The following SVIL variants were observed in gnomAD, a reference collection of about 807,000 sequenced individuals.
SVIL encodes archvillin.
Under a neutral mutation model 240.4 loss-of-function variants are expected in SVIL, and 101 were observed. The observed-to-expected ratio is 0.42, with a 90% CI of 0.36 to 0.50. SVIL has a LOEUF of 0.50. Ranked by LOEUF, SVIL falls within the 20% of genes least tolerant of loss-of-function variation. The pLI, the probability that SVIL is intolerant of heterozygous loss-of-function variation, is 0.01. For missense variants in SVIL, 2,512 were observed against 2,818.7 expected (o/e 0.89, Z 2.46); for synonymous variants, 999 against 1,100.0 (o/e 0.91, Z 1.82).
At chr10:29,460,387 C>T (rs971129407) in intron 36 of SVIL, among the ~76,000 whole-genome samples, 13 of 152,098 alleles carry the variant, frequency 8.5e-5, no homozygotes, top group African/African-American at 3.1e-4. Context: ...TCCCACAGGC[C>T]TGCACAACAG....
Position 29,494,895 on chromosome 10 carries a change from T to C in SVIL, c.3841+19A>G. 4 of 1,606,926 alleles carry C rather than the reference T, an allele frequency of 2.5e-6. No individual in the cohort carries two copies. Among genetic ancestry groups the C allele is most frequent in the Non-Finnish European group, 8.5e-7 (1 of 1,177,410 alleles). On this transcript the variant is annotated intron_variant, in intron 20 of 37. Coordinates refer to ENST00000355867, the MANE Select transcript of SVIL (RefSeq NM_021738.3). ...TTTAGAGATTCTGAGAGCAAAGCCTTCTGGCTTCCAGTAGGTACCTTTGTT... is the reference window on the plus strand; with the variant it reads ...TTTAGAGATTCTGAGAGCAAAGCCTCCTGGCTTCCAGTAGGTACCTTTGTT...
In SVIL at chr10:29,486,227, G is replaced by A. The variant is rs1399098772; in HGVS notation, c.4637C>T (p.Ala1546Val). 2.8e-5 allele frequency: 45 copies of A among 1,614,060 alleles called. No homozygotes were observed. The highest frequency in any genetic ancestry group is 3.7e-5 in the Non-Finnish European group (44 of 1,180,020). Residue 1546 changes from alanine to valine, a missense_variant, in exon 26 of 38, where the codon GCT becomes GTT. Transcript: ENST00000355867. ...GAGTTCATCTTCTTTTGGGTCTCCA[G>A]CAGCTTGGGGATAAGAAGAACAGGA... ...LLGGQTSYQSAGDPKEDELYE... is the reference protein window; with the variant it reads ...LLGGQTSYQSVGDPKEDELYE...
At chr10:29,696,960 G>A (rs1239956137) in intron 1 of SVIL, among the ~76,000 whole-genome samples, 2 of 146,180 alleles carry the variant, frequency 1.4e-5, no homozygotes, top group Non-Finnish European at 3.0e-5. Context: ...CGTCCGGGAG[G>A]GAGGTGGGGG....
intron 31 of SVIL, 123 bp downstream of exon 31, chr10:29,471,015 G>A (rs1945513514): frequency 1.1e-6 from 1 of 871,858 alleles, no homozygotes; most frequent in African/African-American, 1.7e-5. Flanking sequence ...CAAACATCAG[G>A]AGGCTTTCAG....
chr10:29,616,351 T>G (rs1450013640), intron 1 of SVIL, among the ~76,000 whole-genome samples: 1 of 152,208 alleles, frequency 6.6e-6, no homozygotes, highest in East Asian at 1.9e-4. Context: ...TTTCCATTTT[T>G]AAGACAAAAG....
chr10:29,624,466 A>C (rs936606875), intron 1 of SVIL, among the ~76,000 whole-genome samples: 1 of 151,946 alleles, frequency 6.6e-6, no homozygotes, highest in Non-Finnish European at 1.5e-5. Context: ...TGAATGTGGG[A>C]GGCAGAGGTT....
chr10:29,480,774 G>C lies in SVIL; in HGVS notation c.5140C>G (p.Arg1714Gly), dbSNP rs139219158. The change falls in exon 29 of 38, where the codon CGG becomes GGG. Residue 1714 changes from arginine to glycine, a missense_variant. Transcript: ENST00000355867. ...GTCGTCTGGGGCATGGACACCATCC[G>C]TGTCACATCGTATGCCTTGACATCA... ...RTDVKAYDVT[R>G]MVSMPQTTAG... 6.2e-7 allele frequency: 1 copy of C among 1,613,096 alleles called. No homozygotes were observed. Among genetic ancestry groups the C allele is most frequent in the Non-Finnish European group, 8.5e-7 (1 of 1,179,892 alleles).
chr10:29,602,157 A>G (rs1375379244), intron 1 of SVIL: 2 of 429,834 alleles, frequency 4.7e-6, no homozygotes, highest in Non-Finnish European at 9.4e-6. Context: ...CTAAACACCT[A>G]CAAAAGAAAT....
At chr10:29,471,870 G>C (rs1328155390) in intron 30 of SVIL, among the ~76,000 whole-genome samples, 3 of 152,252 alleles carry the variant, frequency 2.0e-5, no homozygotes, top group Non-Finnish European at 4.4e-5. Context: ...CTCACTGTGA[G>C]TTATCAATCT....
intron 1 of SVIL, among the ~76,000 whole-genome samples, chr10:29,629,818 T>TG (rs1287282100): frequency 1.4e-5 from 2 of 139,172 alleles, no homozygotes; most frequent in East Asian, 4.0e-4. Context: ...GCCTCTAGAA[T>TG]TTTTTTTTTT....
chr10:29,699,601 G>A (rs1262048252), intron 1 of SVIL, among the ~76,000 whole-genome samples: 1 of 152,186 alleles, frequency 6.6e-6, no homozygotes, highest in Non-Finnish European at 1.5e-5. Flanking sequence ...GCCATGCCCA[G>A]CCCAAGTTGC....
chr10:29,733,123 C>T (rs1172637674), intron 1 of SVIL, among the ~76,000 whole-genome samples: 1 of 152,108 alleles, frequency 6.6e-6, no homozygotes, highest in African/African-American at 2.4e-5. Flanking sequence ...TAAGAACAGT[C>T]AGTTCAGGGC....
At chr10:29,734,959 T>A (rs1283146913) in intron 1 of SVIL, among the ~76,000 whole-genome samples, 1 of 152,122 alleles carries the variant, frequency 6.6e-6, no homozygotes, top group African/African-American at 2.4e-5. Context: ...TGCAATAAAC[T>A]GTCAGACTTC....
chr10:29,507,624 T>A, intron 17 of SVIL: 3 of 274,858 alleles, frequency 1.1e-5, no homozygotes, highest in Non-Finnish European at 1.6e-5. Flanking sequence ...CACACACACC[T>A]CTCTTTCAAA....
chr10:29,544,192 C>T (rs1952423094), intron 6 of SVIL, among the ~76,000 whole-genome samples: 1 of 152,192 alleles, frequency 6.6e-6, no homozygotes, highest in African/African-American at 2.4e-5. Context: ...GGGTGTCCAG[C>T]TCTAATTATA....
In SVIL at chr10:29,473,516, T is replaced by G. The variant is rs143441554; in HGVS notation, c.5529+322A>C. Reference sequence around the variant, plus strand: ...CCACTGTGAGAAGTGGATGATGGCATCTCTTTGTTTTACTTACAGTGCCTT... The same window carrying G: ...CCACTGTGAGAAGTGGATGATGGCAGCTCTTTGTTTTACTTACAGTGCCTT... On this transcript the variant is annotated intron_variant, in intron 30 of 37. Coordinates refer to ENST00000355867, the MANE Select transcript of SVIL (RefSeq NM_021738.3). The G allele has an allele frequency of 3.9e-3, 1,350 of 347,348 alleles. 30 individuals are homozygous for G. Among genetic ancestry groups the G allele is most frequent in the South Asian group, 0.036 (932 of 26,236 alleles). The allele number at this position is 347,348 out of a possible 1,614,324, so 21.5% of individuals were successfully genotyped here. A position where few individuals can be genotyped will look rare whatever the true frequency, so the allele number is the denominator to read the frequency against.
intron 23 of SVIL, among the ~76,000 whole-genome samples, chr10:29,488,321 G>A (rs1162415899): frequency 6.6e-6 from 1 of 152,032 alleles, no homozygotes; most frequent in African/African-American, 2.4e-5. Context: ...TCTGGAGTGG[G>A]GGGACCTGGG....
At chr10:29,604,363 C>CTTTTTT (rs71525560) in intron 1 of SVIL, among the ~76,000 whole-genome samples, 1 of 38,404 alleles carries the variant, frequency 2.6e-5, no homozygotes, top group Non-Finnish European at 5.7e-5. Flanking sequence ...CCATGTCTGG[C>CTTTTTT]TTTTTTTTTT....
chr10:29,598,531 C>T (rs1318575744), intron 1 of SVIL, among the ~76,000 whole-genome samples: 1 of 152,114 alleles, frequency 6.6e-6, no homozygotes, highest in Non-Finnish European at 1.5e-5. Flanking sequence ...GTACAAAATC[C>T]CTGGATTGCT....
Sources: gnomAD v4.1 joint callset for allele counts (sites outside exome capture counted in the v4.1 genomes callset) on GRCh38, gnomAD v4.1.1 for gene constraint, MANE v1.5 for transcripts, NCBI Gene and HGNC (gene_info 2026-07-23, HGNC 2026-07-21) for gene names.